Variants in PAM observed in about 807,000 individuals in gnomAD.
PAM encodes peptidylglycine alpha-amidating monooxygenase.
A neutral mutation model predicts 122.1 loss-of-function variants in PAM; 72 were observed. The observed-to-expected ratio is 0.59, with a 90% CI of 0.49 to 0.72. The LOEUF (loss-of-function observed/expected upper bound fraction) is 0.72, where lower values mean the gene tolerates loss of function less well. PAM is among the 30% of genes least tolerant of loss of function. The pLI, the probability that PAM is intolerant of heterozygous loss-of-function variation, is 0.00. For missense variants in PAM, 1,106 were observed against 1,183.7 expected, an observed-to-expected ratio of 0.93 and a Z score of 0.96; for synonymous variants, 389 against 404.4, an observed-to-expected ratio of 0.96 and a Z score of 0.46.
intron 3 of PAM, among the ~76,000 whole-genome samples, chr5:102,900,490 CAT>C (rs1358986390): frequency 6.6e-6 from 1 of 151,382 alleles, no homozygotes; most frequent in African/African-American, 2.4e-5. Context: ...CAAGTAGAAA[CAT>C]AGGTACAAAA....
intron 1 of PAM, among the ~76,000 whole-genome samples, chr5:102,846,292 A>G (rs934268409): frequency 1.3e-5 from 2 of 152,164 alleles, no homozygotes; most frequent in African/African-American, 4.8e-5. Context: ...CCTATAGGAT[A>G]AAGATAAATC....
chr5:102,992,404 C>A (rs1433182657), intron 16 of PAM, among the ~76,000 whole-genome samples: 1 of 152,048 alleles, frequency 6.6e-6, no homozygotes, highest in South Asian at 2.1e-4. Flanking sequence ...CCTTAGCAGA[C>A]TTTGCAATCC....
rs187780966 is a variant in PAM, at chr5:102,833,749, T to C, written c.-373-32074T>C. Among the ~76,000 whole-genome samples, 334 of 152,280 alleles carry C rather than the reference T, an allele frequency of 2.2e-3. 1 individual carries two copies. The highest frequency in any genetic ancestry group is 7.6e-3 in the African/African-American group (314 of 41,576). Reference sequence around the variant, plus strand: ...GAAAGACAGCTAGAGACTTAGTTTCTTCATGTTCCAATACATGGATTCCAG... The same window carrying C: ...GAAAGACAGCTAGAGACTTAGTTTCCTCATGTTCCAATACATGGATTCCAG... On this transcript the variant is annotated intron_variant, in intron 1 of 25. Transcript: ENST00000438793.
chr5:102,764,382 C>G (rs996384098), intron 1 of PAM, among the ~76,000 whole-genome samples: 3 of 151,958 alleles, frequency 2.0e-5, no homozygotes, highest in Non-Finnish European at 4.4e-5. Context: ...GGTCCTCTTA[C>G]ACAGGATGGT....
At position 103,000,980 on chromosome 5, in the gene PAM, C is replaced by A. The variant is rs112277596; in HGVS notation, c.1614-2053C>A. Reference sequence around the variant, plus strand: ...CAAAAAAAAATTATTAAATTATATTCTTTGGCCATTAAAAAATACACCACA... The same window carrying A: ...CAAAAAAAAATTATTAAATTATATTATTTGGCCATTAAAAAATACACCACA... On this transcript the variant is annotated intron_variant, in intron 16 of 25. Coordinates refer to ENST00000438793, the MANE Select transcript of PAM (RefSeq NM_001177306.2). Among the ~76,000 whole-genome samples the A allele has an allele frequency of 7.0e-3, 1,060 of 152,210 alleles. 18 individuals carry two copies. The highest frequency in any genetic ancestry group is 0.023 in the African/African-American group (964 of 41,530).
intron 7 of PAM, among the ~76,000 whole-genome samples, chr5:102,939,971 T>C (rs184576450): frequency 3.3e-5 from 5 of 152,156 alleles, no homozygotes; most frequent in African/African-American, 1.2e-4. Context: ...ACAAAATGGA[T>C]AGTTTTGCTG....
chr5:102,878,027 CA>C (rs11290295), intron 3 of PAM, among the ~76,000 whole-genome samples: 13,553 of 147,236 alleles, frequency 0.092, 1,501 homozygotes, highest in African/African-American at 0.26. Flanking sequence ...GACCCTTTCT[CA>C]AAAAAAAAGA....
At chr5:103,024,673 A>G (rs1307949611) in intron 23 of PAM, among the ~76,000 whole-genome samples, 1 of 152,144 alleles carries the variant, frequency 6.6e-6, no homozygotes, top group Non-Finnish European at 1.5e-5. Context: ...AGGAGGTCCT[A>G]TTATTACAGT....
chr5:102,924,443 A>C (rs995728067), intron 5 of PAM, among the ~76,000 whole-genome samples: 3 of 151,864 alleles, frequency 2.0e-5, no homozygotes, highest in Admixed American at 6.6e-5. Flanking sequence ...CAAAAAAAAA[A>C]AAAAAAAACA....
At chr5:103,026,282 G>A (rs957009561) in intron 24 of PAM, among the ~76,000 whole-genome samples, 7 of 152,240 alleles carry the variant, frequency 4.6e-5, no homozygotes, top group South Asian at 4.1e-4. Flanking sequence ...CCATGGATCA[G>A]GGAGAGGGGG....
At chr5:102,855,725 A>C (rs982100258) in intron 1 of PAM, among the ~76,000 whole-genome samples, 1 of 152,184 alleles carries the variant, frequency 6.6e-6, no homozygotes, top group Admixed American at 6.6e-5. Flanking sequence ...CAGGAAAAAA[A>C]GTCACAAACA....
At position 102,784,932 on chromosome 5, in the gene PAM, C is replaced by T. The variant is rs186892137; in HGVS notation, c.-374+29584C>T. The stretch of plus-strand genomic sequence containing the variant: ...TTTTTACTAAACACCAGTGATTCTC[C>T]ATACTTTAGGAAATCAGAATCACCT... On this transcript the variant is annotated intron_variant, in intron 1 of 25. Coordinates refer to ENST00000438793, the MANE Select transcript of PAM (RefSeq NM_001177306.2). 6.6e-5 allele frequency among the ~76,000 whole-genome samples: 10 copies of T among 152,296 alleles called. No individual in the cohort carries two copies. In the East Asian group the frequency reaches 1.9e-3, roughly 29 times the overall value.
chr5:103,011,699 A>T (rs186650216), intron 21 of PAM, among the ~76,000 whole-genome samples: 1 of 152,148 alleles, frequency 6.6e-6, no homozygotes, highest in Admixed American at 6.5e-5. Context: ...AATCTTGGCT[A>T]TTGTGAACAG....
chr5:102,775,490 C>CT (rs1447189589), intron 1 of PAM, among the ~76,000 whole-genome samples: 2 of 152,074 alleles, frequency 1.3e-5, no homozygotes, highest in African/African-American at 4.8e-5. Context: ...GATGCTCTCC[C>CT]TCCCCACCAC....
chr5:103,003,110 CA>C lies in PAM; in HGVS notation c.1694del (p.Asn565IlefsTer20). 6.3e-7 allele frequency: 1 copy of C among 1,597,100 alleles called. No individual in the cohort carries two copies. Among genetic ancestry groups the C allele is most frequent in the Non-Finnish European group, 8.6e-7 (1 of 1,164,628 alleles). ...IEEDTILVID[P>X]NNAAVLQSSG... is the part of the protein sequence containing the mutation. ...GAAGACACTATTCTTGTCATAGATC[CA>C]AATAATGCTGCAGTACTCCAGTCCA... On this transcript the variant is annotated frameshift_variant, in exon 17 of 26. Coordinates refer to ENST00000438793, the MANE Select transcript of PAM (RefSeq NM_001177306.2). LOFTEE classifies it high-confidence loss of function.
chr5:102,821,813 A>G (rs1772026698), intron 1 of PAM, among the ~76,000 whole-genome samples: 1 of 152,152 alleles, frequency 6.6e-6, no homozygotes. Context: ...TCTTGGAAAA[A>G]CTGTGACTTT....
rs1745847228 is a variant in PAM, at chr5:102,917,513, A to G, written c.356+3492A>G. On this transcript the variant is annotated intron_variant, in intron 5 of 25. Transcript: ENST00000438793. ...ACACTCTAGGGAAACTTATAAGGAA[A>G]TACAAAGCTGTTTTAAGGAAAGAAG... 2.0e-5 allele frequency among the ~76,000 whole-genome samples: 3 copies of G among 152,230 alleles called. No homozygotes were observed. In the South Asian group the frequency reaches 6.2e-4, roughly 32 times the overall value.
Position 102,931,767 on chromosome 5 carries a change from T to A in PAM, c.526+5099T>A, listed in dbSNP as rs1387741721. On this transcript the variant is annotated intron_variant, in intron 7 of 25. Transcript: ENST00000438793. Reference sequence around the variant, plus strand: ...TTACTGTCATTAAGCTCTTGGCGCATATGGGAAAACTAGCAGATATTATTA... The same window carrying A: ...TTACTGTCATTAAGCTCTTGGCGCAAATGGGAAAACTAGCAGATATTATTA... Among the ~76,000 whole-genome samples the A allele has an allele frequency of 2.0e-5, 3 of 152,092 alleles. No homozygotes were observed. The East Asian group carries it at 5.8e-4, about 29-fold the overall frequency.
At chr5:102,759,245 T>C (rs1751610054) in intron 1 of PAM, among the ~76,000 whole-genome samples, 3 of 152,082 alleles carry the variant, frequency 2.0e-5, no homozygotes, top group Middle Eastern at 3.2e-3. Context: ...TCATCCTAAT[T>C]GGGTTGGTGG....
Sources: gnomAD v4.1 joint callset for allele counts (sites outside exome capture counted in the v4.1 genomes callset) on GRCh38, gnomAD v4.1.1 for gene constraint, MANE v1.5 for transcripts, NCBI Gene and HGNC (gene_info 2026-07-23, HGNC 2026-07-21) for gene names.